The following XKRX variants were observed in gnomAD, a reference collection of about 807,000 sequenced individuals.
XKRX encodes XK-related protein 2.
Under a neutral mutation model 22.4 loss-of-function variants are expected in XKRX, and 11 were observed. The ratio of observed to expected loss-of-function variants is 0.49; its 90% confidence interval spans 0.31 to 0.81. The LOEUF is 0.81. Ranked by LOEUF, XKRX falls within the 40% of genes least tolerant of loss-of-function variation. XKRX has a pLI of 0.05. For synonymous variants in XKRX, 114 were observed against 132.2 expected (o/e 0.86, Z 0.94); for missense variants, 320 against 336.5 (o/e 0.95, Z 0.38).
the XKRX span, chrX:100,887,907 C>A: frequency 8.8e-7 from 1 of 1,136,569 alleles, no homozygotes; most frequent in African/African-American, 1.8e-5. Context: ...ACCATGGCTG[C>A]CACCAAAGCC....
chrX:100,918,042 G>C (rs963857861), intron 2 of XKRX, among the ~76,000 whole-genome samples: 2 of 111,414 alleles, frequency 1.8e-5, no homozygotes, highest in African/African-American at 6.5e-5. Context: ...TATGTCAAAG[G>C]ATGCTGATTA....
chrX:100,918,287 C>G (rs771485276), intron 2 of XKRX, among the ~76,000 whole-genome samples: 1 of 111,833 alleles, frequency 8.9e-6, no homozygotes, highest in South Asian at 3.7e-4. Context: ...GTTGGAATCT[C>G]AGAGACTGGA....
chrX:100,913,199 A>T (rs781586147), downstream of XKRX, among the ~76,000 whole-genome samples: 1 of 108,728 alleles, frequency 9.2e-6, no homozygotes, highest in Non-Finnish European at 1.9e-5. Context: ...CTCCATCTCA[A>T]AAAAGAAAAA....
At chrX:100,937,863 T>C in the XKRX span, among the ~76,000 whole-genome samples, 3 of 111,854 alleles carry the variant, frequency 2.7e-5, no homozygotes, top group Admixed American at 9.5e-5. Flanking sequence ...CTCAATCTTA[T>C]GGTCAAGAAA....
chrX:100,895,849 C>G, the XKRX span, among the ~76,000 whole-genome samples: 1 of 111,963 alleles, frequency 8.9e-6, no homozygotes, highest in African/African-American at 3.2e-5. Flanking sequence ...CATTAGCAAT[C>G]AGGCTGTCAG....
chrX:100,896,888 T>C, the XKRX span, among the ~76,000 whole-genome samples: 607 of 111,174 alleles, frequency 5.5e-3, 5 homozygotes, highest in African/African-American at 0.019. Flanking sequence ...TAAGAATCAA[T>C]CCCAAAAAAC....
chrX:100,917,125 A>G (rs1019948722), intron 2 of XKRX, among the ~76,000 whole-genome samples: 7 of 109,632 alleles, frequency 6.4e-5, no homozygotes, highest in African/African-American at 2.3e-4. Context: ...TCTCAAAAAG[A>G]AAGAAAAAAA....
chrX:100,890,063 A>G, the XKRX span, among the ~76,000 whole-genome samples: 1 of 111,657 alleles, frequency 9.0e-6, no homozygotes, highest in Non-Finnish European at 1.9e-5. Flanking sequence ...AAACCACTCA[A>G]TTTGTGATAC....
At chrX:100,900,630 C>T in the XKRX span, among the ~76,000 whole-genome samples, 1 of 108,087 alleles carries the variant, frequency 9.3e-6, no homozygotes, top group Non-Finnish European at 1.9e-5. Context: ...ACCGAGACCT[C>T]GCTTCTGTAA....
chrX:100,924,524 G>T (rs2085490527), intron 1 of XKRX, among the ~76,000 whole-genome samples: 2 of 111,632 alleles, frequency 1.8e-5, no homozygotes, highest in African/African-American at 6.5e-5. Context: ...GATGTGGTAA[G>T]TGGAAGAGAA....
At chrX:100,926,005 C>T in intron 1 of XKRX, among the ~76,000 whole-genome samples, 1 of 111,942 alleles carries the variant, frequency 8.9e-6, no homozygotes, top group Non-Finnish European at 1.9e-5. Flanking sequence ...AACAATGCGC[C>T]AGGGCTCTAG....
chrX:100,915,038 G>A lies in XKRX; in HGVS notation c.650C>T (p.Thr217Ile). Reference sequence around the variant, plus strand: ...CTGGATAGCCAACATATTGCAAAGGGTGGCCCCATAGGTGACAGATACCAG... The same window carrying A: ...CTGGATAGCCAACATATTGCAAAGGATGGCCCCATAGGTGACAGATACCAG... ...FSLVSVTYGA[T>I]LCNMLAIQIK... The change falls in exon 3 of 3, where the codon ACC becomes ATC. Residue 217 changes from threonine to isoleucine, a missense_variant. Thr to Ile is a moderately conservative substitution (Grantham distance 89). Coordinates refer to ENST00000372956, the MANE Select transcript of XKRX (RefSeq NM_212559.3). 8.3e-7 allele frequency: 1 copy of A among 1,211,437 alleles called. No homozygotes were observed. The highest frequency in any genetic ancestry group is 1.1e-6 in the Non-Finnish European group (1 of 895,341).
chrX:100,946,160 G>C, the XKRX span, among the ~76,000 whole-genome samples: 1 of 108,628 alleles, frequency 9.2e-6, no homozygotes, highest in Non-Finnish European at 1.9e-5. Context: ...ACTCTAGCCC[G>C]GGCAACAGTG....
Position 100,914,203 on chromosome X carries a change from T to C in XKRX, c.*135A>G. ...TAAAACCTATTTGGGAGTTGCTCTT[T>C]CTTCTGATAGGCTTAACAGAAAAGT... is the stretch of plus-strand genomic sequence containing the variant. On this transcript the variant is annotated 3_prime_UTR_variant, in exon 3 of 3. Coordinates refer to ENST00000372956, the MANE Select transcript of XKRX (RefSeq NM_212559.3). 1 of 785,622 alleles carries C rather than the reference T, an allele frequency of 1.3e-6. No individual in the cohort carries two copies. The highest frequency in any genetic ancestry group is 1.8e-6 in the Non-Finnish European group (1 of 545,238). The allele number at this position is 785,622 out of a possible 1,213,427, so 64.7% of individuals were successfully genotyped here.
chrX:100,923,899 C>T (rs1232076121), intron 1 of XKRX, among the ~76,000 whole-genome samples: 6 of 101,347 alleles, frequency 5.9e-5, no homozygotes, highest in African/African-American at 1.1e-4. Context: ...TGCACTGGCG[C>T]GATCTCAGCT....
At chrX:100,890,444 G>A in the XKRX span, among the ~76,000 whole-genome samples, 15 of 108,521 alleles carry the variant, frequency 1.4e-4, no homozygotes, top group African/African-American at 4.0e-4. Context: ...GCCATTAAAA[G>A]CAATGACGAA....
chrX:100,911,089 A>C, downstream of XKRX: 1 of 565,867 alleles, frequency 1.8e-6, no homozygotes, highest in South Asian at 2.3e-5. Flanking sequence ...TATGTGCCCA[A>C]GGAGAAACAA....
chrX:100,941,113 G>A, the XKRX span, among the ~76,000 whole-genome samples: 1 of 111,929 alleles, frequency 8.9e-6, no homozygotes, highest in Admixed American at 9.5e-5. Context: ...AATTCTTTTG[G>A]TATTTAACTG....
chrX:100,903,742 C>G, the XKRX span, among the ~76,000 whole-genome samples: 1 of 111,497 alleles, frequency 9.0e-6, no homozygotes, highest in Non-Finnish European at 1.9e-5. Flanking sequence ...TACATTAGCA[C>G]CCCCCAAAAT....
Sources: allele counts gnomAD v4.1 joint callset (sites outside exome capture counted in the v4.1 genomes callset), GRCh38; gene constraint gnomAD v4.1.1; transcripts MANE v1.5; gene names NCBI Gene and HGNC (gene_info 2026-07-23, HGNC 2026-07-21).